ACTN4: variants seen among roughly 807,000 people sequenced by gnomAD.
ACTN4 encodes actinin alpha 4.
ACTN4 carries 18 observed loss-of-function variants against 114.2 expected under a neutral mutation model. The ratio of observed to expected loss-of-function variants is 0.16; its 90% CI spans 0.11 to 0.23. The LOEUF (loss-of-function observed/expected upper bound fraction) is 0.23. Among genes scored for constraint, ACTN4 ranks in the 10% least tolerant of loss-of-function variants. ACTN4 has a pLI of 1.00. For synonymous variants in ACTN4, 515 were observed against 506.3 expected, an observed-to-expected ratio of 1.02 and a Z score of -0.23; for missense variants, 722 against 1,262.9, an observed-to-expected ratio of 0.57 and a Z score of 6.49.
Position 38,712,351 on chromosome 19 carries a change from C to T in ACTN4, c.819+2009C>T, listed in dbSNP as rs80275943. Among the ~76,000 whole-genome samples, 3 of 152,212 alleles carry T rather than the reference C, an allele frequency of 2.0e-5. No homozygotes were observed. The South Asian group carries it at 6.2e-4, about 31-fold the overall frequency. On this transcript the variant is annotated intron_variant, in intron 8 of 20. Coordinates refer to ENST00000252699, the MANE Select transcript of ACTN4 (RefSeq NM_004924.6). ...GGCCCCACTCTGCCACCTCTTGGTA[C>T]TGTGACCTTGGGTGGGTCACTTGAC...
intron 1 of ACTN4, among the ~76,000 whole-genome samples, chr19:38,660,585 G>A (rs1406552059): frequency 6.6e-6 from 1 of 151,760 alleles, no homozygotes; most frequent in Non-Finnish European, 1.5e-5. Flanking sequence ...TAGTAGAGAC[G>A]GGGTTTCTCC....
chr19:38,679,568 C>CGTGT (rs10583743), intron 1 of ACTN4, among the ~76,000 whole-genome samples: 2,327 of 145,504 alleles, frequency 0.016, 31 homozygotes, highest in Middle Eastern at 0.031. Flanking sequence ...TTTGGGTGTG[C>CGTGT]GTGTGTGTGT....
rs775661670 is a variant in ACTN4, at chr19:38,717,166, G to A, written c.993G>A (p.Lys331=). Residue 331 remains lysine, a synonymous_variant, in exon 10 of 21, where the codon AAG becomes AAA. Coordinates refer to ENST00000252699, the MANE Select transcript of ACTN4 (RefSeq NM_004924.6). This position sits in a 1 kb window ranked among gnomAD's most constrained non-coding sequence, Gnocchi z 4.0. ...PQKTIQEMQQ[K]LEDFRDYRRV... ...AGACTATCCAGGAGATGCAGCAGAA[G>A]CTGGAGGACTTCCGCGACTACCGGC... The A allele has an allele frequency of 7.4e-6, 12 of 1,614,256 alleles. No individual in the cohort carries two copies. In the South Asian group the frequency reaches 1.3e-4, roughly 18 times the overall value.
At chr19:38,718,287 C>T (rs1348812657) in intron 11 of ACTN4, 2 of 829,386 alleles carry the variant, frequency 2.4e-6, no homozygotes, top group Middle Eastern at 2.6e-4. Context: ...AGCACTTTGG[C>T]AGGCCAAGGC....
rs2306195 is a variant in ACTN4 at position 38,709,174 on chromosome 19, G to C, written c.652-221G>C. On this transcript the variant is annotated intron_variant, in intron 6 of 20. Coordinates refer to ENST00000252699, the MANE Select transcript of ACTN4 (RefSeq NM_004924.6). ...GCATTTTTCTGGAGAAAAAGCCCTG[G>C]TTTGCCCCACAAAGATTTCACGAGG... Among the ~76,000 whole-genome samples the C allele has an allele frequency of 5.3e-5, 8 of 152,156 alleles. No homozygotes were observed. The East Asian group carries it at 1.5e-3, about 29-fold the overall frequency.
intron 1 of ACTN4, among the ~76,000 whole-genome samples, chr19:38,665,727 T>C (rs757362619): frequency 6.6e-5 from 10 of 152,172 alleles, no homozygotes; most frequent in Non-Finnish European, 1.3e-4. Context: ...GTTTCAGAGT[T>C]ACAGGCCCTG....
At chr19:38,652,831 A>G (rs1976605446) in intron 1 of ACTN4, among the ~76,000 whole-genome samples, 1 of 152,192 alleles carries the variant, frequency 6.6e-6, no homozygotes, top group Non-Finnish European at 1.5e-5. Context: ...CGCGCCTGTA[A>G]TCCCAGCACT....
chr19:38,703,024 C>T (rs1185887473), intron 3 of ACTN4, among the ~76,000 whole-genome samples: 1 of 152,120 alleles, frequency 6.6e-6, no homozygotes, highest in Non-Finnish European at 1.5e-5. Flanking sequence ...CTTTGGAAGC[C>T]ACTCCATCAT....
At chr19:38,680,788 C>G (rs1568697839) in intron 1 of ACTN4, among the ~76,000 whole-genome samples, 1 of 152,072 alleles carries the variant, frequency 6.6e-6, no homozygotes, top group Non-Finnish European at 1.5e-5. Context: ...TCTCTTTATT[C>G]CTACCATTGT....
intron 12 of ACTN4, among the ~76,000 whole-genome samples, chr19:38,722,736 C>G (rs1872620411): frequency 6.6e-6 from 1 of 152,224 alleles, no homozygotes; most frequent in South Asian, 2.1e-4. Context: ...GGCAGCTTCC[C>G]CAGTGACGGA....
At chr19:38,698,166 G>A (rs1383574967) in intron 1 of ACTN4, among the ~76,000 whole-genome samples, 1 of 152,124 alleles carries the variant, frequency 6.6e-6, no homozygotes, top group Non-Finnish European at 1.5e-5. Context: ...GGAGATGCTG[G>A]GAGGCACAGG....
intron 8 of ACTN4, among the ~76,000 whole-genome samples, chr19:38,712,770 G>A (rs565865251): frequency 5.1e-4 from 78 of 152,234 alleles, no homozygotes; most frequent in African/African-American, 1.6e-3. Context: ...CCCCGAACCA[G>A]CCCCCTGCCC....
intron 11 of ACTN4, among the ~76,000 whole-genome samples, chr19:38,721,100 G>A (rs1969024360): frequency 1.3e-5 from 2 of 152,222 alleles, no homozygotes; most frequent in African/African-American, 2.4e-5. Context: ...GCAGGGTCAG[G>A]GTCCTAGAAG....
At chr19:38,653,829 G>A (rs1261162568) in intron 1 of ACTN4, among the ~76,000 whole-genome samples, 2 of 152,188 alleles carry the variant, frequency 1.3e-5, no homozygotes, top group African/African-American at 4.8e-5. Flanking sequence ...TAATTCAATG[G>A]CAGTGGTAAC....
chr19:38,673,375 A>G (rs1435662525), intron 1 of ACTN4, among the ~76,000 whole-genome samples: 1 of 148,364 alleles, frequency 6.7e-6, no homozygotes, highest in African/African-American at 2.5e-5. Context: ...GACAATAGGC[A>G]TTAAAAAATA....
intron 1 of ACTN4, among the ~76,000 whole-genome samples, chr19:38,669,048 A>G (rs1475837239): frequency 6.6e-6 from 1 of 152,054 alleles, no homozygotes; most frequent in African/African-American, 2.4e-5. Flanking sequence ...ATGCAGTGGT[A>G]TGCACTTGGC....
intron 1 of ACTN4, among the ~76,000 whole-genome samples, chr19:38,694,175 C>T (rs1348287818): frequency 4.6e-5 from 7 of 151,900 alleles, no homozygotes; most frequent in Admixed American, 2.6e-4. Flanking sequence ...TTTTGCGAAG[C>T]GGGTGATCTG....
chr19:38,722,916 G>C, intron 12 of ACTN4, among the ~76,000 whole-genome samples: 1 of 152,210 alleles, frequency 6.6e-6, no homozygotes, highest in Non-Finnish European at 1.5e-5. Context: ...AGGGCTGTCC[G>C]GGTCCTGTCT....
Position 38,704,981 on chromosome 19 carries a change from A to G in ACTN4, c.445A>G (p.Ile149Val), listed in dbSNP as rs1420356916. Residue 149 changes from isoleucine to valine, a missense_variant, in exon 4 of 21, where the codon ATC becomes GTC. By Grantham distance (29) the Ile-to-Val change is conservative. Transcript: ENST00000252699. ...GATGACCCTGGGAATGATCTGGACC[A>G]TCATCCTTAGGTTCGCCATCCAGGA... ...AKMTLGMIWT[I>V]ILRFAIQDIS... 3 of 1,614,198 alleles carry G rather than the reference A, an allele frequency of 1.9e-6. No homozygotes were observed. The highest frequency in any genetic ancestry group is 1.7e-5 in the Admixed American group (1 of 60,024).
Sources: allele counts gnomAD v4.1 joint callset (sites outside exome capture counted in the v4.1 genomes callset), GRCh38; gene constraint gnomAD v4.1.1; non-coding constraint Gnocchi (gnomAD v3.1); transcripts MANE v1.5; gene names NCBI Gene and HGNC (gene_info 2026-07-23, HGNC 2026-07-21).